The following C9orf72 variants were observed in gnomAD, a reference collection of about 807,000 sequenced individuals.
The protein encoded by C9orf72 is C9orf72-SMCR8 complex subunit.
C9orf72 carries 44 observed loss-of-function variants against 51.6 expected under a neutral mutation model. That is an observed-to-expected ratio of 0.85 (90% CI 0.67 to 1.10). The LOEUF is 1.10. C9orf72 is among the 50% of genes least tolerant of loss of function. The pLI, the probability that C9orf72 is intolerant of heterozygous loss-of-function variation, is 0.00. For missense variants in C9orf72, 607 were observed against 570.6 expected (o/e 1.06, Z -0.65); for synonymous variants, 213 against 194.2 (o/e 1.10, Z -0.81).
intron 4 of C9orf72, 135 bp from the exon 5 acceptor site, chr9:27,561,784 C>T: frequency 1.8e-6 from 1 of 569,058 alleles, no homozygotes; most frequent in Admixed American, 3.8e-5. Context: ...CAAGACTCCC[C>T]AAAAAACAAT....
At chr9:27,549,310 T>C (rs1327795514) in intron 9 of C9orf72, among the ~76,000 whole-genome samples, 1 of 152,232 alleles carries the variant, frequency 6.6e-6, no homozygotes, top group Non-Finnish European at 1.5e-5. Context: ...TTGAAGCTCC[T>C]AGAAGATGAG....
In C9orf72 at chr9:27,560,316, A is replaced by G. The variant is rs1819307497; in HGVS notation, c.666-17T>C. On this transcript the variant is annotated splice_polypyrimidine_tract_variant and intron_variant, in intron 5 of 10. Transcript: ENST00000380003. Reference sequence around the variant, plus strand: ...CTGATGGCACTGTAAGTTAAAGAAAACAGATTAAAAACATTGCCTATAAAA... The same window carrying G: ...CTGATGGCACTGTAAGTTAAAGAAAGCAGATTAAAAACATTGCCTATAAAA... The G allele has an allele frequency of 6.3e-7, 1 of 1,591,514 alleles. No individual in the cohort carries two copies. Among genetic ancestry groups the G allele is most frequent in the African/African-American group, 1.4e-5 (1 of 73,676 alleles).
chr9:27,548,666 C>T lies in C9orf72; in HGVS notation c.1150G>A (p.Val384Ile). ...DTLVKAFLDQ[V>I]FQLKPGLSLR... ...GATAAGCCAGGTTTCAGCTGAAAGA[C>T]CTGCAGGGAGAGGAACCATTTCAAC... Residue 384 changes from valine to isoleucine, a missense_variant and splice_region_variant, in exon 10 of 11, where the codon GTC becomes ATC. By Grantham distance (29) the Val-to-Ile change is conservative. Transcript: ENST00000380003. 3 of 1,563,634 alleles carry T rather than the reference C, an allele frequency of 1.9e-6. No homozygotes were observed. The highest frequency in any genetic ancestry group is 2.6e-6 in the Non-Finnish European group (3 of 1,134,486).
At chr9:27,555,234 T>A (rs1016534834) in intron 8 of C9orf72, among the ~76,000 whole-genome samples, 2 of 152,200 alleles carry the variant, frequency 1.3e-5, no homozygotes, top group East Asian at 1.9e-4. Flanking sequence ...TTCTAAAACA[T>A]TCCCCTACTA....
In C9orf72 at chr9:27,548,558, T is replaced by C. The variant is rs769477910; in HGVS notation, c.1258A>G (p.Thr420Ala). The change falls in exon 10 of 11, where the codon ACG becomes GCG. Residue 420 changes from threonine (T) to alanine (A), a missense_variant and splice_region_variant. Physicochemically the swap from Thr to Ala is moderately conservative, Grantham distance 58. Coordinates refer to ENST00000380003, the MANE Select transcript of C9orf72 (RefSeq NM_018325.5). ...CTTCCGTGTAGGAGTTTTACTCACG[T>C]ATCGTCTTCTATATATTTTATTAGT... ...LTLIKYIEDD[T>A]QKGKKPFKSL... 2 of 1,566,814 alleles carry C rather than the reference T, an allele frequency of 1.3e-6. No homozygotes were observed. The highest frequency in any genetic ancestry group is 2.2e-5 in the South Asian group (2 of 89,932).
chr9:27,566,526 G>A (rs890062593), intron 2 of C9orf72, 151 bp downstream of exon 2: 4 of 589,822 alleles, frequency 6.8e-6, no homozygotes, highest in African/African-American at 3.7e-5. Flanking sequence ...CAGACCAGAT[G>A]TATTTGTATC....
intron 9 of C9orf72, among the ~76,000 whole-genome samples, chr9:27,550,209 T>C (rs531837857): frequency 6.6e-6 from 1 of 151,036 alleles, no homozygotes; most frequent in Non-Finnish European, 1.5e-5. Context: ...AACATATATA[T>C]ATACTTGTAC....
Position 27,550,703 on chromosome 9 carries a change from T to C in C9orf72, c.1096A>G (p.Ile366Val), listed in dbSNP as rs550153466. The change falls in exon 9 of 11, where the codon ATT (isoleucine) becomes GTT (valine). Residue 366 changes from isoleucine to valine, a missense_variant. Transcript: ENST00000380003. ...TDESFTPDLN[I>V]FQDVLHRDTL... ...TCTCTGTGTAAGACATCTTGAAAAA[T>C]ATTCCTGAAGAAAAGAAGAAAATGA... The C allele has an allele frequency of 1.3e-6, 2 of 1,572,076 alleles. No individual in the cohort carries two copies. The highest frequency in any genetic ancestry group is 1.2e-5 in the South Asian group (1 of 85,790).
intron 8 of C9orf72, among the ~76,000 whole-genome samples, chr9:27,553,525 T>C (rs1213132736): frequency 6.6e-6 from 1 of 152,232 alleles, no homozygotes; most frequent in Admixed American, 6.5e-5. Flanking sequence ...GGAGTGAAAC[T>C]GGACCCCTTC....
Position 27,550,698 on chromosome 9 carries a change from A to G in C9orf72, c.1101T>C (p.Phe367=). The stretch of plus-strand genomic sequence containing the variant: ...GAGTGTCTCTGTGTAAGACATCTTG[A>G]AAAATATTCCTGAAGAAAAGAAGAA... The part of the protein sequence containing the change: ...DESFTPDLNI[F]QDVLHRDTLV... Residue 367 remains phenylalanine, a synonymous_variant, in exon 9 of 11, where the codon TTT becomes TTC. Transcript: ENST00000380003. 6.3e-7 allele frequency: 1 copy of G among 1,578,150 alleles called. No homozygotes were observed. Among genetic ancestry groups the G allele is most frequent in the Non-Finnish European group, 8.6e-7 (1 of 1,156,824 alleles).
chr9:27,555,107 T>C lies in C9orf72; in HGVS notation c.1091+1454A>G, dbSNP rs888072676. ...AAAACGGAAAAAATACTAAGCACTT[T>C]AGGAAAAAAGAAAATGTTTCAAGGC... is the stretch of plus-strand genomic sequence containing the variant. On this transcript the variant is annotated intron_variant, in intron 8 of 10. Transcript: ENST00000380003. Among the ~76,000 whole-genome samples, 128 of 152,134 alleles carry C rather than the reference T, an allele frequency of 8.4e-4. 2 individuals are homozygous for C. The highest frequency in any genetic ancestry group is 2.7e-4 in the African/African-American group (11 of 41,424).
intron 1 of C9orf72, among the ~76,000 whole-genome samples, chr9:27,569,325 T>C (rs1819537597): frequency 6.6e-6 from 1 of 152,240 alleles, no homozygotes; most frequent in Non-Finnish European, 1.5e-5. Context: ...TACAGTGTTC[T>C]AGGCCTTCAC....
chr9:27,550,072 A>G (rs1299299109), intron 9 of C9orf72, among the ~76,000 whole-genome samples: 1 of 150,520 alleles, frequency 6.6e-6, no homozygotes, highest in East Asian at 1.9e-4. Context: ...TATCATATAT[A>G]ACATATACTC....
At chr9:27,550,423 C>T (rs1820883065) in intron 9 of C9orf72, among the ~76,000 whole-genome samples, 2 of 151,794 alleles carry the variant, frequency 1.3e-5, no homozygotes, top group Non-Finnish European at 2.9e-5. Flanking sequence ...TCTGAATTCC[C>T]GAAGCATAAA....
intron 8 of C9orf72, among the ~76,000 whole-genome samples, chr9:27,555,315 C>T (rs949487206): frequency 2.6e-5 from 4 of 152,160 alleles, no homozygotes; most frequent in Non-Finnish European, 5.9e-5. Context: ...CATCTTTCTG[C>T]ACCTTGAGAT....
intron 3 of C9orf72, 23 bp from the exon 4 acceptor site, chr9:27,562,499 G>C (rs1156807063): frequency 7.7e-7 from 1 of 1,300,798 alleles, no homozygotes; most frequent in Non-Finnish European, 1.1e-6. Flanking sequence ...GTGACATGAA[G>C]TGAAGAAAAT....
At chr9:27,559,384 T>A (rs1242368667) in intron 6 of C9orf72, 1 of 151,960 alleles carries the variant, frequency 6.6e-6, no homozygotes, top group Non-Finnish European at 1.5e-5. Flanking sequence ...GCCACCTGTT[T>A]GAGGTAACAG....
chr9:27,557,547 A>T (rs981868351), intron 7 of C9orf72, among the ~76,000 whole-genome samples: 5 of 152,128 alleles, frequency 3.3e-5, no homozygotes, highest in African/African-American at 7.2e-5. Flanking sequence ...CATAGTTTTG[A>T]AATTTCCTCT....
intron 1 of C9orf72, among the ~76,000 whole-genome samples, chr9:27,569,033 C>T (rs546100339): frequency 1.3e-5 from 2 of 151,190 alleles, no homozygotes; most frequent in African/African-American, 4.9e-5. Flanking sequence ...CCTGTCTATG[C>T]CTAGGTGAAA....
Sources: allele counts gnomAD v4.1 joint callset (sites outside exome capture counted in the v4.1 genomes callset), GRCh38; gene constraint gnomAD v4.1.1; transcripts MANE v1.5; gene names NCBI Gene and HGNC (gene_info 2026-07-23, HGNC 2026-07-21).